The following ANP32A variants were observed in gnomAD, a reference collection of about 807,000 sequenced individuals.
ANP32A encodes the protein acidic leucine-rich nuclear phosphoprotein 32 family member A.
A neutral mutation model predicts 33.9 loss-of-function variants in ANP32A; 1 was observed. The observed-to-expected ratio is 0.03, with a 90% confidence interval of 0.01 to 0.14. ANP32A has a LOEUF of 0.14. Among genes scored for constraint, ANP32A ranks in the 10% least tolerant of loss-of-function variants. ANP32A has a pLI of 1.00. For missense variants in ANP32A, 155 were observed against 306.0 expected (o/e 0.51, Z 3.68); for synonymous variants, 115 against 120.5 (o/e 0.95, Z 0.30).
chr15:68,794,664 T>C (rs1894040402), intron 1 of ANP32A, among the ~76,000 whole-genome samples: 1 of 152,228 alleles, frequency 6.6e-6, no homozygotes, highest in African/African-American at 2.4e-5. Flanking sequence ...TGATAGATGC[T>C]TGTGATTTTG....
Position 68,820,872 on chromosome 15 carries a change from C to G in ANP32A, c.-121G>C. 4 of 1,170,198 alleles carry G rather than the reference C, an allele frequency of 3.4e-6. No individual in the cohort carries two copies. Among genetic ancestry groups the G allele is most frequent in the Non-Finnish European group, 2.5e-6 (2 of 807,696 alleles). 72.5% of individuals were successfully genotyped at this position (1,170,198 alleles called of 1,614,324 possible). A position where few individuals can be genotyped will look rare whatever the true frequency, so the allele number is the denominator to read the frequency against. ...CAACCAGCTCCGCTCGGTTCTCGAG[C>G]CCCCAGCACCCGCGGCGCACACTAA... On this transcript the variant is annotated 5_prime_UTR_variant, in exon 1 of 7. Transcript: ENST00000465139.
intron 4 of ANP32A, 88 bp downstream of exon 4, chr15:68,784,309 C>T: frequency 6.9e-7 from 1 of 1,442,214 alleles, no homozygotes; most frequent in Non-Finnish European, 9.5e-7. Flanking sequence ...CCTCCCAACA[C>T]CCAGCCCACC....
At chr15:68,783,707 G>C (rs1311854382) in intron 4 of ANP32A, among the ~76,000 whole-genome samples, 1 of 152,186 alleles carries the variant, frequency 6.6e-6, no homozygotes, top group Admixed American at 6.5e-5. Flanking sequence ...GAAGGGGAGG[G>C]AACAGGACTC....
intron 1 of ANP32A, among the ~76,000 whole-genome samples, chr15:68,816,027 T>C (rs1425409223): frequency 6.6e-6 from 1 of 152,142 alleles, no homozygotes; most frequent in African/African-American, 2.4e-5. Flanking sequence ...GAAGGCCAGA[T>C]CCACTTCAAC....
At chr15:68,815,585 T>C (rs1027493117) in intron 1 of ANP32A, among the ~76,000 whole-genome samples, 2 of 152,228 alleles carry the variant, frequency 1.3e-5, no homozygotes, top group African/African-American at 2.4e-5. Flanking sequence ...AGCTCAGTTA[T>C]AGTTTGGTGA....
intron 4 of ANP32A, among the ~76,000 whole-genome samples, chr15:68,783,367 G>C (rs1054095983): frequency 6.6e-6 from 1 of 151,838 alleles, no homozygotes; most frequent in African/African-American, 2.4e-5. Context: ...CCGGGAAAGC[G>C]GCAAGATCAA....
At chr15:68,791,431 T>A (rs529981898) in intron 1 of ANP32A, 1 of 152,650 alleles carries the variant, frequency 6.6e-6, no homozygotes, top group East Asian at 1.9e-4. Flanking sequence ...CCCCTACAGC[T>A]GTAACTGTTT....
At chr15:68,796,449 A>G (rs1894065115) in intron 1 of ANP32A, among the ~76,000 whole-genome samples, 1 of 152,162 alleles carries the variant, frequency 6.6e-6, no homozygotes, top group Non-Finnish European at 1.5e-5. Flanking sequence ...TCCTGACCTC[A>G]TGTGATCCAC....
chr15:68,820,456 CG>C (rs1369037076), intron 1 of ANP32A, among the ~76,000 whole-genome samples: 3 of 152,140 alleles, frequency 2.0e-5, no homozygotes, highest in African/African-American at 7.2e-5. Context: ...CACCCACACT[CG>C]CACACGCGGG....
In ANP32A at chr15:68,780,582, CCCCCA is replaced by C. The variant is rs1455159789; in HGVS notation, c.625-114_625-110del. On this transcript the variant is annotated intron_variant, in intron 5 of 6. Transcript: ENST00000465139. The surrounding 1 kb of genome is among the most constrained non-coding windows in gnomAD (Gnocchi z 4.3). ...CGGGGTCACCCCCAGCCTCTCAGAG[CCCCCA>C]CCAAGACTTGACATCTCGGGAGGAA... The C allele has an allele frequency of 6.6e-7, 1 of 1,512,808 alleles. No individual in the cohort carries two copies. Among genetic ancestry groups the C allele is most frequent in the East Asian group, 2.3e-5 (1 of 43,076 alleles). 93.7% of individuals were successfully genotyped at this position (1,512,808 alleles called of 1,614,324 possible). A position where few individuals can be genotyped will look rare whatever the true frequency, so the allele number is the denominator to read the frequency against.
rs1293435349 is a variant in ANP32A at position 68,793,670 on chromosome 15, G to A, written c.55-5751C>T. ...ACCAGATAGAACAGGCATGCTAAAGGCAGATGAGGGGGACCCAGAAGGACC... is the reference window on the plus strand; with the variant it reads ...ACCAGATAGAACAGGCATGCTAAAGACAGATGAGGGGGACCCAGAAGGACC... On this transcript the variant is annotated intron_variant, in intron 1 of 6. Transcript: ENST00000465139. Among the ~76,000 whole-genome samples the A allele has an allele frequency of 2.0e-5, 3 of 152,182 alleles. No homozygotes were observed. The East Asian group carries it at 5.8e-4, about 29-fold the overall frequency.
intron 4 of ANP32A, among the ~76,000 whole-genome samples, chr15:68,783,295 T>TGGA (rs765064822): frequency 3.3e-5 from 5 of 152,010 alleles, no homozygotes; most frequent in Admixed American, 6.6e-5. Flanking sequence ...AGGCCCCTTC[T>TGGA]GGAGGCCTCT....
intron 1 of ANP32A, among the ~76,000 whole-genome samples, chr15:68,819,085 GT>G (rs1380853783): frequency 1.3e-5 from 2 of 152,194 alleles, no homozygotes; most frequent in Non-Finnish European, 2.9e-5. Context: ...TCTCACTCAG[GT>G]TTGGGGGAGG....
At chr15:68,805,145 CA>C (rs1894199115) in intron 1 of ANP32A, among the ~76,000 whole-genome samples, 1 of 152,216 alleles carries the variant, frequency 6.6e-6, no homozygotes, top group Non-Finnish European at 1.5e-5. Flanking sequence ...CTCCAGCCCC[CA>C]TTCAAAAGCA....
In ANP32A at chr15:68,798,297, ATTCAAAGT is replaced by A. The variant is rs150157078; in HGVS notation, c.55-10386_55-10379del. 2.2e-3 allele frequency among the ~76,000 whole-genome samples: 331 copies of A among 152,340 alleles called. 1 individual carries two copies. The highest frequency in any genetic ancestry group is 7.7e-3 in the African/African-American group (320 of 41,580). ...CTATTCAGAGACCCAGGAGCTGGCAATTCAAAGTTTCTGCCTATTCCAGCCCCCAGCAT... is the reference window on the plus strand; with the variant it reads ...CTATTCAGAGACCCAGGAGCTGGCAATTCTGCCTATTCCAGCCCCCAGCAT... On this transcript the variant is annotated intron_variant, in intron 1 of 6. Transcript: ENST00000465139.
intron 1 of ANP32A, among the ~76,000 whole-genome samples, chr15:68,798,205 G>A (rs1186849955): frequency 6.6e-6 from 1 of 152,218 alleles, no homozygotes; most frequent in Non-Finnish European, 1.5e-5. Flanking sequence ...CTGCCTTGGA[G>A]TCCGGGATGG....
In ANP32A at chr15:68,780,259, C is replaced by G. The variant is rs775583343; in HGVS notation, c.689-117G>C. The G allele has an allele frequency of 6.4e-7, 1 of 1,560,350 alleles. No individual in the cohort carries two copies. The highest frequency in any genetic ancestry group is 8.7e-7 in the Non-Finnish European group (1 of 1,151,416). ...AGCAAGCTGTGCCATCCTTGGAAAC[C>G]GAGGCAAGACATCTGCACAGCTGGA... On this transcript the variant is annotated intron_variant, in intron 6 of 6. Coordinates refer to ENST00000465139, the MANE Select transcript of ANP32A (RefSeq NM_006305.4). This position sits in a 1 kb window ranked among gnomAD's most constrained non-coding sequence, Gnocchi z 4.3.
At chr15:68,806,970 G>A (rs1209310080) in intron 1 of ANP32A, among the ~76,000 whole-genome samples, 3 of 152,252 alleles carry the variant, frequency 2.0e-5, no homozygotes, top group Non-Finnish European at 4.4e-5. Flanking sequence ...GTCACACTGG[G>A]CTCTGTACAC....
intron 1 of ANP32A, among the ~76,000 whole-genome samples, chr15:68,792,693 C>T (rs1388316885): frequency 6.6e-6 from 1 of 152,136 alleles, no homozygotes; most frequent in Non-Finnish European, 1.5e-5. Flanking sequence ...CTTTTGCCTC[C>T]ACACCAGGTC....
Sources: allele counts gnomAD v4.1 joint callset (sites outside exome capture counted in the v4.1 genomes callset), GRCh38; gene constraint gnomAD v4.1.1; non-coding constraint Gnocchi (gnomAD v3.1); transcripts MANE v1.5; gene names NCBI Gene and HGNC (gene_info 2026-07-23, HGNC 2026-07-21).